The following DPP10 variants were observed in gnomAD, a reference collection of about 807,000 sequenced individuals.
DPP10 encodes the protein inactive dipeptidyl peptidase 10.
Under a neutral mutation model 120.9 loss-of-function variants are expected in DPP10, and 33 were observed. That is an observed-to-expected ratio of 0.27 (90% CI 0.21 to 0.37). DPP10 has a LOEUF of 0.37. Ranked by LOEUF, DPP10 falls within the 10% of genes least tolerant of loss-of-function variation. DPP10 has a pLI of 1.00. For missense variants in DPP10, 816 were observed against 942.8 expected, an observed-to-expected ratio of 0.87 and a Z score of 1.76; for synonymous variants, 337 against 326.1, an observed-to-expected ratio of 1.03 and a Z score of -0.36.
intron 1 of DPP10, among the ~76,000 whole-genome samples, chr2:114,754,433 G>A (rs763458537): frequency 3.3e-5 from 5 of 152,088 alleles, no homozygotes; most frequent in Non-Finnish European, 5.9e-5. Context: ...ATAATGATTC[G>A]ATTGATTTGA....
At chr2:114,542,875 T>A (rs1687064715) in intron 1 of DPP10, among the ~76,000 whole-genome samples, 1 of 152,140 alleles carries the variant, frequency 6.6e-6, no homozygotes, top group Admixed American at 6.5e-5. Context: ...TTTCTTAGGA[T>A]GAGATCTTTC....
At chr2:114,940,169 T>A (rs781452284) in intron 1 of DPP10, among the ~76,000 whole-genome samples, 3 of 152,160 alleles carry the variant, frequency 2.0e-5, no homozygotes, top group Non-Finnish European at 4.4e-5. Flanking sequence ...TTCAAAAGCA[T>A]TGATAATCGA....
chr2:115,665,104 A>G (rs549274438), intron 5 of DPP10, among the ~76,000 whole-genome samples: 56 of 152,302 alleles, frequency 3.7e-4, no homozygotes, highest in Non-Finnish European at 6.9e-4. Flanking sequence ...TCTTGCTTGA[A>G]ATACTCTGGT....
intron 1 of DPP10, among the ~76,000 whole-genome samples, chr2:114,926,333 A>G (rs1486254186): frequency 6.6e-6 from 1 of 152,160 alleles, no homozygotes; most frequent in Non-Finnish European, 1.5e-5. Flanking sequence ...CTATTCTTAA[A>G]ATCTAAGAAT....
At chr2:114,510,562 C>T (rs2104575925) in intron 1 of DPP10, among the ~76,000 whole-genome samples, 1 of 152,204 alleles carries the variant, frequency 6.6e-6, no homozygotes, top group East Asian at 1.9e-4. Context: ...AAGACTGCGC[C>T]ATTGCACTCC....
chr2:114,830,253 C>G (rs72832416), intron 1 of DPP10, among the ~76,000 whole-genome samples: 2 of 152,110 alleles, frequency 1.3e-5, no homozygotes, highest in Admixed American at 6.5e-5. Flanking sequence ...TCGAGTACCC[C>G]CCTTACACTA....
At chr2:114,820,284 G>C (rs145753918) in intron 1 of DPP10, among the ~76,000 whole-genome samples, 6 of 152,202 alleles carry the variant, frequency 3.9e-5, no homozygotes, top group African/African-American at 1.4e-4. Context: ...TGCCTCATGG[G>C]TAAGAGGCAG....
intron 8 of DPP10, among the ~76,000 whole-genome samples, chr2:115,734,281 G>A (rs1391266699): frequency 3.3e-5 from 5 of 152,114 alleles, no homozygotes; most frequent in Non-Finnish European, 7.3e-5. Context: ...CAGCACCTAC[G>A]ACAGAACCTG....
chr2:114,770,705 C>T (rs1681170738), intron 1 of DPP10, among the ~76,000 whole-genome samples: 1 of 152,170 alleles, frequency 6.6e-6, no homozygotes, highest in Non-Finnish European at 1.5e-5. Flanking sequence ...ATACATCAAG[C>T]ATAATTTTGG....
Position 115,760,683 on chromosome 2 carries a change from G to T in DPP10, c.1075-1889G>T, listed in dbSNP as rs113773178. On this transcript the variant is annotated intron_variant, in intron 11 of 25. Coordinates refer to ENST00000410059, the MANE Select transcript of DPP10 (RefSeq NM_020868.6). ...ACTTGATGCTCTTCTCATTAAGCTTGTATTACTAGAAAATTCATCTCTTTC... is the reference window on the plus strand; with the variant it reads ...ACTTGATGCTCTTCTCATTAAGCTTTTATTACTAGAAAATTCATCTCTTTC... Among the ~76,000 whole-genome samples, 82 of 152,312 alleles carry T rather than the reference G, an allele frequency of 5.4e-4. 1 individual carries two copies. The highest frequency in any genetic ancestry group is 1.5e-3 in the African/African-American group (62 of 41,572).
intron 1 of DPP10, among the ~76,000 whole-genome samples, chr2:115,279,625 TTTTC>T (rs1331758782): frequency 2.0e-4 from 30 of 150,832 alleles, no homozygotes; most frequent in African/African-American, 3.6e-4. Flanking sequence ...CTTTTATCTT[TTTTC>T]TTTCTTTCTT....
At chr2:114,492,563 T>C (rs1198271445) in intron 1 of DPP10, among the ~76,000 whole-genome samples, 1 of 152,198 alleles carries the variant, frequency 6.6e-6, no homozygotes, top group Admixed American at 6.5e-5. Context: ...AAATAAAATG[T>C]ATATGCACGT....
At chr2:114,445,356 A>T (rs1677878927) in intron 1 of DPP10, among the ~76,000 whole-genome samples, 1 of 152,198 alleles carries the variant, frequency 6.6e-6, no homozygotes, top group Non-Finnish European at 1.5e-5. Context: ...TTTCTCCCAA[A>T]GCTCAGTGTA....
intron 3 of DPP10, among the ~76,000 whole-genome samples, chr2:115,440,257 A>G (rs909570779): frequency 1.3e-5 from 2 of 152,066 alleles, no homozygotes; most frequent in Non-Finnish European, 2.9e-5. Context: ...GAAAAAATAC[A>G]TTTGTTTTTC....
intron 7 of DPP10, among the ~76,000 whole-genome samples, chr2:115,715,829 T>A (rs1413711309): frequency 3.3e-5 from 5 of 152,266 alleles, no homozygotes; most frequent in Non-Finnish European, 7.3e-5. Context: ...CTTTAAATGA[T>A]ATGAAACTTA....
In DPP10 at chr2:114,941,124, G is replaced by C. The variant is rs141366211; in HGVS notation, c.61-368115G>C. 4.0e-3 allele frequency among the ~76,000 whole-genome samples: 615 copies of C among 152,240 alleles called. 1 individual carries two copies. The highest frequency in any genetic ancestry group is 0.014 in the African/African-American group (602 of 41,546). ...ATTGTAAAAGTGCTAAATGAGAATCGAAAGAATTTGTTCTTTTTTCTTAAT... is the reference window on the plus strand; with the variant it reads ...ATTGTAAAAGTGCTAAATGAGAATCCAAAGAATTTGTTCTTTTTTCTTAAT... On this transcript the variant is annotated intron_variant, in intron 1 of 25. Coordinates refer to ENST00000410059, the MANE Select transcript of DPP10 (RefSeq NM_020868.6).
intron 1 of DPP10, among the ~76,000 whole-genome samples, chr2:115,121,059 T>C (rs1479832043): frequency 2.0e-5 from 3 of 152,204 alleles, no homozygotes; most frequent in African/African-American, 7.2e-5. Context: ...TGAGTAAACA[T>C]GGACTATTTC....
At chr2:115,284,900 G>A (rs1255782205) in intron 1 of DPP10, among the ~76,000 whole-genome samples, 1 of 152,026 alleles carries the variant, frequency 6.6e-6, no homozygotes, top group East Asian at 1.9e-4. Flanking sequence ...AATTATTTCT[G>A]TAATCATATC....
chr2:114,819,458 C>T (rs528390911), intron 1 of DPP10, among the ~76,000 whole-genome samples: 5 of 151,840 alleles, frequency 3.3e-5, no homozygotes, highest in Non-Finnish European at 5.9e-5. Context: ...ATGTTATCCC[C>T]GGAAATATCA....
Sources: allele counts gnomAD v4.1 joint callset (sites outside exome capture counted in the v4.1 genomes callset), GRCh38; gene constraint gnomAD v4.1.1; transcripts MANE v1.5; gene names NCBI Gene and HGNC (gene_info 2026-07-23, HGNC 2026-07-21).